The following FBRSL1 variants were observed in gnomAD, a reference collection of about 807,000 sequenced individuals.
The protein encoded by FBRSL1 is fibrosin like 1, also known as fibrosin-1-like protein.
Under a neutral mutation model 89.6 loss-of-function variants are expected in FBRSL1, and 51 were observed. The ratio of observed to expected loss-of-function variants is 0.57; its 90% CI spans 0.45 to 0.72. The LOEUF is 0.72. Among genes scored for constraint, FBRSL1 ranks in the 30% least tolerant of loss-of-function variants. FBRSL1 has a pLI of 0.00. For missense variants in FBRSL1, 1,618 were observed against 1,451.8 expected, an observed-to-expected ratio of 1.11 and a Z score of -1.86; for synonymous variants, 779 against 681.1, an observed-to-expected ratio of 1.14 and a Z score of -2.24.
intron 3 of FBRSL1, among the ~76,000 whole-genome samples, chr12:132,527,506 G>T (rs148237051): frequency 6.6e-6 from 1 of 152,208 alleles, no homozygotes; most frequent in African/African-American, 2.4e-5. Context: ...CTCAGCCCTC[G>T]TGGCCCCTGC....
rs375717060 is a variant in FBRSL1 at position 132,535,883 on chromosome 12, C to T, written c.615+7895C>T. Among the ~76,000 whole-genome samples the T allele has an allele frequency of 1.3e-4, 18 of 143,936 alleles. No homozygotes were observed. The East Asian group carries it at 1.7e-3, about 14-fold the overall frequency. 94.4% of individuals were successfully genotyped at this position (143,936 alleles called of 152,430 possible). On this transcript the variant is annotated intron_variant, in intron 4 of 18. Transcript: ENST00000680143. Reference sequence around the variant, plus strand: ...GTGTGTCCATGATGGTGTGAGTGCACGTGTCCATGGTGTGTGAGTGCACGT... The same window carrying T: ...GTGTGTCCATGATGGTGTGAGTGCATGTGTCCATGGTGTGTGAGTGCACGT...
intron 2 of FBRSL1, chr12:132,509,785 G>A (rs1009427172): frequency 1.2e-5 from 15 of 1,231,048 alleles, no homozygotes; most frequent in East Asian, 9.5e-5. Flanking sequence ...TCAGGACAGC[G>A]CAGCCGGCCC....
chr12:132,510,407 G>C, intron 2 of FBRSL1: 1 of 1,232,002 alleles, frequency 8.1e-7, no homozygotes, highest in African/African-American at 1.5e-5. Flanking sequence ...GTGCCCCCGG[G>C]ATGGCCCGTC....
intron 2 of FBRSL1, among the ~76,000 whole-genome samples, chr12:132,523,423 A>G (rs1329611550): frequency 1.3e-5 from 2 of 152,082 alleles, no homozygotes; most frequent in Non-Finnish European, 2.9e-5. Flanking sequence ...GGAGGAGCAC[A>G]CGCAGGGCAG....
At position 132,571,123 on chromosome 12, in the gene FBRSL1, G is replaced by A. The variant is rs924267226; in HGVS notation, c.1269G>A (p.Ser423=). The change falls in exon 9 of 19, where the codon TCG becomes TCA. Residue 423 remains serine (S), a synonymous_variant. Coordinates refer to ENST00000680143, the MANE Select transcript of FBRSL1 (RefSeq NM_001367871.1). ...CAATCATGTATTGCCAGCCTCATTC[G>A]GGAATTCTGATTGGTACTTGGTCAC... is the stretch of plus-strand genomic sequence containing the variant. ...SQPIMYCQPH[S]GILIGTWSQA... 8.0e-6 allele frequency: 11 copies of A among 1,367,124 alleles called. No individual in the cohort carries two copies. In the Admixed American group the frequency reaches 1.2e-4, roughly 15 times the overall value. The allele number at this position is 1,367,124 out of a possible 1,614,324, so 84.7% of individuals were successfully genotyped here.
At chr12:132,513,252 C>A (rs2034533003) in intron 2 of FBRSL1, among the ~76,000 whole-genome samples, 1 of 152,226 alleles carries the variant, frequency 6.6e-6, no homozygotes, top group South Asian at 2.1e-4. Flanking sequence ...CCATCACAGG[C>A]AGCAGATTGG....
intron 8 of FBRSL1, 67 bp downstream of exon 8, chr12:132,570,607 G>C: frequency 7.5e-7 from 1 of 1,339,770 alleles, no homozygotes; most frequent in Non-Finnish European, 9.9e-7. Flanking sequence ...GGCCACCGGG[G>C]AGGGGCGCAC....
In FBRSL1 at chr12:132,490,403, C is replaced by A; in HGVS notation, c.-168C>A. The A allele has an allele frequency of 3.4e-6, 1 of 292,360 alleles. No homozygotes were observed. The highest frequency in any genetic ancestry group is 4.9e-6 in the Non-Finnish European group (1 of 203,322). 18.1% of individuals were successfully genotyped at this position (292,360 alleles called of 1,614,324 possible). ...GCGCCGGGCCCGGGGCTGAGCCGCC[C>A]CCCGCGCCCGGCATGCCCGGCCCGG... is the stretch of plus-strand genomic sequence containing the variant. On this transcript the variant is annotated 5_prime_UTR_variant, in exon 1 of 19. Transcript: ENST00000680143.
chr12:132,547,250 G>A (rs1166304585), intron 4 of FBRSL1, among the ~76,000 whole-genome samples: 1 of 148,822 alleles, frequency 6.7e-6, no homozygotes, highest in Non-Finnish European at 1.5e-5. Context: ...TACTGAAAAC[G>A]GAGAACGGAC....
chr12:132,496,487 G>T (rs2032053560), intron 1 of FBRSL1, among the ~76,000 whole-genome samples: 1 of 152,164 alleles, frequency 6.6e-6, no homozygotes, highest in African/African-American at 2.4e-5. Context: ...CTGGCTGGTT[G>T]TTGCTGTTTG....
chr12:132,492,798 C>T (rs1871025227), intron 1 of FBRSL1, among the ~76,000 whole-genome samples: 1 of 152,254 alleles, frequency 6.6e-6, no homozygotes, highest in East Asian at 1.9e-4. Flanking sequence ...ATGTCCCTTC[C>T]TCTGCCCTTC....
At position 132,527,595 on chromosome 12, in the gene FBRSL1, C is replaced by T. The variant is rs1168887727; in HGVS notation, c.580-358C>T. Among the ~76,000 whole-genome samples, 7 of 148,738 alleles carry T rather than the reference C, an allele frequency of 4.7e-5. 1 individual carries two copies. Among genetic ancestry groups the T allele is most frequent in the East Asian group, 2.1e-4 (1 of 4,738 alleles). ...ATCCGAGTTGAGGGCTGCGGGGCTG[C>T]GGGGCAGGGTTGAGGGCTGCGGGGC... is the stretch of plus-strand genomic sequence containing the variant. On this transcript the variant is annotated intron_variant, in intron 3 of 18. Transcript: ENST00000680143.
At chr12:132,554,348 G>A (rs1171040206) in intron 5 of FBRSL1, 3 of 152,254 alleles carry the variant, frequency 2.0e-5, no homozygotes, top group Admixed American at 6.5e-5. Context: ...CCAGCTGGGG[G>A]CGTCACTGCA....
chr12:132,541,502 G>A (rs945320539), intron 4 of FBRSL1, among the ~76,000 whole-genome samples: 2 of 152,156 alleles, frequency 1.3e-5, no homozygotes, highest in Admixed American at 6.5e-5. Flanking sequence ...ACCTGGCGGT[G>A]CCCCCCCAGG....
At chr12:132,577,006 C>G in intron 15 of FBRSL1, 75 bp downstream of exon 15, 1 of 1,499,408 alleles carries the variant, frequency 6.7e-7, no homozygotes, top group South Asian at 1.3e-5. Context: ...CCTTCCTGTG[C>G]CAGGAGTGAG....
chr12:132,522,273 C>T (rs1157156876), intron 2 of FBRSL1, among the ~76,000 whole-genome samples: 6 of 152,150 alleles, frequency 3.9e-5, no homozygotes, highest in African/African-American at 1.2e-4. Context: ...CGACTGAGCC[C>T]GAGCCTCCCA....
At chr12:132,561,862 G>A (rs1403691034) in intron 5 of FBRSL1, among the ~76,000 whole-genome samples, 1 of 152,216 alleles carries the variant, frequency 6.6e-6, no homozygotes, top group Non-Finnish European at 1.5e-5. Context: ...GTTCATGGCT[G>A]GCATGGAGCA....
At chr12:132,565,119 A>C (rs2137744632) in intron 5 of FBRSL1, 1 of 152,236 alleles carries the variant, frequency 6.6e-6, no homozygotes, top group South Asian at 2.1e-4. Flanking sequence ...CTGGTCTCTC[A>C]CAGCTGTGCT....
rs563882026 is a variant in FBRSL1, at chr12:132,531,660, G to A, written c.615+3672G>A. Among the ~76,000 whole-genome samples, 11 of 146,230 alleles carry A rather than the reference G, an allele frequency of 7.5e-5. No individual in the cohort carries two copies. The South Asian group carries it at 2.3e-3, about 30-fold the overall frequency. ...TGGCGTTGCGTGTTGTGCACTTGGC[G>A]TTGTGTGTTGTGCACGTGGCGTTGT... On this transcript the variant is annotated intron_variant, in intron 4 of 18. Coordinates refer to ENST00000680143, the MANE Select transcript of FBRSL1 (RefSeq NM_001367871.1).
Sources: allele counts gnomAD v4.1 joint callset (sites outside exome capture counted in the v4.1 genomes callset), GRCh38; gene constraint gnomAD v4.1.1; transcripts MANE v1.5; gene names NCBI Gene and HGNC (gene_info 2026-07-23, HGNC 2026-07-21).